ZCCHC2: variants seen among roughly 807,000 people sequenced by gnomAD.
ZCCHC2 encodes the protein zinc finger CCHC-type containing 2.
ZCCHC2 carries 39 observed loss-of-function variants against 103.6 expected under a neutral mutation model. The ratio of observed to expected loss-of-function variants is 0.38; its 90% CI spans 0.29 to 0.49. The LOEUF (loss-of-function observed/expected upper bound fraction) is 0.49. Among genes scored for constraint, ZCCHC2 ranks in the 20% least tolerant of loss-of-function variants. The pLI is 0.96. For missense variants in ZCCHC2, 1,483 were observed against 1,491.0 expected, an observed-to-expected ratio of 0.99 and a Z score of 0.09; for synonymous variants, 687 against 608.9, an observed-to-expected ratio of 1.13 and a Z score of -1.89.
chr18:62,584,718 C>CTTTAAAGG (rs943133183), exon 15 of ZCCHC2: 3 of 152,260 alleles, frequency 2.0e-5, no homozygotes, highest in Admixed American at 6.5e-5. Flanking sequence ...TGTGTGAACA[C>CTTTAAAGG]TTTAAAGGTT....
At chr18:62,528,286 AG>A (rs1458863257) in intron 1 of ZCCHC2, among the ~76,000 whole-genome samples, 4 of 152,268 alleles carry the variant, frequency 2.6e-5, no homozygotes, top group Non-Finnish European at 4.4e-5. Context: ...ACTTACTAAA[AG>A]TAGTGAATTA....
At chr18:62,542,196 G>A (rs1198911458) in intron 2 of ZCCHC2, among the ~76,000 whole-genome samples, 2 of 152,096 alleles carry the variant, frequency 1.3e-5, no homozygotes, top group African/African-American at 2.4e-5. Flanking sequence ...TATTTTAATT[G>A]CAGGTACCTT....
At chr18:62,569,010 C>T (rs565521751) in intron 11 of ZCCHC2, among the ~76,000 whole-genome samples, 139 of 152,306 alleles carry the variant, frequency 9.1e-4, no homozygotes, top group African/African-American at 3.2e-3. Flanking sequence ...GTTACTTGCC[C>T]ATGAACTCCT....
chr18:62,560,572 T>G lies in ZCCHC2; in HGVS notation c.1493-15T>G. Reference sequence around the variant, plus strand: ...CAGCATTTAGTGTAATAAGTTACTTTTTCCTCTCTTCTAGATGTGTTGCAG... The same window carrying G: ...CAGCATTTAGTGTAATAAGTTACTTGTTCCTCTCTTCTAGATGTGTTGCAG... On this transcript the variant is annotated splice_polypyrimidine_tract_variant and intron_variant, in intron 7 of 13. Coordinates refer to ENST00000269499, the MANE Select transcript of ZCCHC2 (RefSeq NM_017742.6). 6.2e-7 allele frequency: 1 copy of G among 1,610,638 alleles called. No individual in the cohort carries two copies. Among genetic ancestry groups the G allele is most frequent in the Non-Finnish European group, 8.5e-7 (1 of 1,178,120 alleles).
At chr18:62,547,046 C>G (rs970994012) in intron 4 of ZCCHC2, among the ~76,000 whole-genome samples, 11 of 151,882 alleles carry the variant, frequency 7.2e-5, no homozygotes, top group Non-Finnish European at 1.0e-4. Flanking sequence ...CAGGAGCTGC[C>G]AGGTTCGGTG....
At chr18:62,539,310 A>G (rs968727194) in intron 1 of ZCCHC2, among the ~76,000 whole-genome samples, 3 of 152,246 alleles carry the variant, frequency 2.0e-5, no homozygotes, top group African/African-American at 4.8e-5. Context: ...AAACCAAACA[A>G]TGAATAAAAA....
chr18:62,548,280 GTCTT>G (rs951428591), intron 4 of ZCCHC2, among the ~76,000 whole-genome samples: 1 of 152,036 alleles, frequency 6.6e-6, no homozygotes, highest in African/African-American at 2.4e-5. Flanking sequence ...TAGCAAATGA[GTCTT>G]TCTTTAGGAC....
At chr18:62,526,662 G>T (rs1169724915) in intron 1 of ZCCHC2, among the ~76,000 whole-genome samples, 4 of 152,144 alleles carry the variant, frequency 2.6e-5, no homozygotes, top group Admixed American at 6.5e-5. Flanking sequence ...CCTCCCCATC[G>T]TCAGGGATGA....
chr18:62,523,203 C>G lies in ZCCHC2; in HGVS notation c.-222C>G, dbSNP rs1001977856. ...CGAGGAGCCCAGGGGGAGGAGCCGT[C>G]GCGGGCACGCCCCGCCCCCAGCCCG... On this transcript the variant is annotated 5_prime_UTR_variant, in exon 1 of 14. Transcript: ENST00000269499. The G allele has an allele frequency of 2.1e-5, 4 of 191,694 alleles. No individual in the cohort carries two copies. The highest frequency in any genetic ancestry group is 3.8e-5 in the Non-Finnish European group (4 of 104,398). 11.9% of individuals were successfully genotyped at this position (191,694 alleles called of 1,614,324 possible).
At chr18:62,578,892 T>C (rs1247322525), downstream of ZCCHC2, among the ~76,000 whole-genome samples, 3 of 152,138 alleles carry the variant, frequency 2.0e-5, no homozygotes, top group African/African-American at 7.2e-5. Flanking sequence ...CTCCGCCTCC[T>C]GAGTAGCTGG....
intron 6 of ZCCHC2, among the ~76,000 whole-genome samples, chr18:62,556,678 A>G (rs1012258968): frequency 1.3e-5 from 2 of 152,096 alleles, no homozygotes; most frequent in Admixed American, 1.3e-4. Context: ...TCAGACAGAA[A>G]ATGTTAGCCC....
At position 62,559,371 on chromosome 18, in the gene ZCCHC2, G is replaced by A. The variant is rs189131757; in HGVS notation, c.1492+601G>A. ...ACATAAATAGGTGATTCTGAGATGAGGAAACCTGAACAGCTATTACATAAT... is the reference window on the plus strand; with the variant it reads ...ACATAAATAGGTGATTCTGAGATGAAGAAACCTGAACAGCTATTACATAAT... On this transcript the variant is annotated intron_variant, in intron 7 of 13. Coordinates refer to ENST00000269499, the MANE Select transcript of ZCCHC2 (RefSeq NM_017742.6). 3.3e-5 allele frequency among the ~76,000 whole-genome samples: 5 copies of A among 152,316 alleles called. No homozygotes were observed. In the East Asian group the frequency reaches 7.7e-4, roughly 23 times the overall value.
intron 12 of ZCCHC2, 82 bp downstream of exon 12, chr18:62,570,313 A>G (rs1916544668): frequency 2.0e-6 from 3 of 1,506,768 alleles, no homozygotes; most frequent in African/African-American, 1.4e-5. Context: ...CTTCATGTCA[A>G]AGTCAAACAA....
At chr18:62,544,581 C>T (rs1456806548) in intron 3 of ZCCHC2, among the ~76,000 whole-genome samples, 1 of 151,964 alleles carries the variant, frequency 6.6e-6, no homozygotes, top group East Asian at 1.9e-4. Flanking sequence ...TAAAAAGTGC[C>T]ATTTTGAAAA....
intron 5 of ZCCHC2, chr18:62,551,720 G>A (rs1915673476): frequency 1.3e-5 from 2 of 153,188 alleles, no homozygotes; most frequent in Admixed American, 6.5e-5. Context: ...CCTCTCTGAG[G>A]GCTTCCCTGT....
At chr18:62,576,396 A>G (rs1273756328) in intron 13 of ZCCHC2, 116 bp from the exon 14 acceptor site, 4 of 801,116 alleles carry the variant, frequency 5.0e-6, no homozygotes, top group African/African-American at 1.7e-5. Flanking sequence ...TTGGAGTGGC[A>G]CTAGAGCTGA....
intron 5 of ZCCHC2, among the ~76,000 whole-genome samples, chr18:62,555,311 T>A (rs1443029863): frequency 1.3e-5 from 2 of 152,198 alleles, no homozygotes; most frequent in Non-Finnish European, 2.9e-5. Flanking sequence ...TAATAAAATA[T>A]GAGGAAAGCT....
Position 62,563,037 on chromosome 18 carries a change from G to A in ZCCHC2, c.1579G>A (p.Asp527Asn). ...TATTGGTACAAGTTGTTCTCCATTG[G>A]ATGGGCTTACCATGCAATATTCTGA... ...NNIGTSCSPL[D>N]GLTMQYSEQN... Residue 527 changes from aspartate to asparagine, a missense_variant, in exon 9 of 14, where the codon GAT (aspartate) becomes AAT (asparagine). Physicochemically the swap from Asp to Asn is conservative, Grantham distance 23. This residue lies in a region of ZCCHC2 where 884 missense variants were observed against 907.5 expected (regional missense o/e 0.97). Coordinates refer to ENST00000269499, the MANE Select transcript of ZCCHC2 (RefSeq NM_017742.6). 1 of 1,613,172 alleles carries A rather than the reference G, an allele frequency of 6.2e-7. No homozygotes were observed. Among genetic ancestry groups the A allele is most frequent in the Non-Finnish European group, 8.5e-7 (1 of 1,179,274 alleles).
chr18:62,563,026 G>A lies in ZCCHC2; in HGVS notation c.1568G>A (p.Cys523Tyr), dbSNP rs1221271720. The A allele has an allele frequency of 1.7e-5, 27 of 1,611,892 alleles. No homozygotes were observed. Among genetic ancestry groups the A allele is most frequent in the Non-Finnish European group, 2.3e-5 (27 of 1,178,270 alleles). Residue 523 changes from cysteine (C) to tyrosine (Y), a missense_variant, in exon 9 of 14, where the codon TGT (cysteine) becomes TAT (tyrosine). Coordinates refer to ENST00000269499, the MANE Select transcript of ZCCHC2 (RefSeq NM_017742.6). ...TTTGGTAGCAATATTGGTACAAGTT[G>A]TTCTCCATTGGATGGGCTTACCATG... Reference protein sequence around the residue: ...SPIVNNIGTSCSPLDGLTMQY... With the variant: ...SPIVNNIGTSYSPLDGLTMQY...
Sources: gnomAD v4.1 joint callset for allele counts (sites outside exome capture counted in the v4.1 genomes callset) on GRCh38, gnomAD v4.1.1 for gene constraint, gnomAD v4.1.1 regional missense constraint, MANE v1.5 for transcripts, NCBI Gene and HGNC (gene_info 2026-07-23, HGNC 2026-07-21) for gene names.